The following CMC1 variants were observed in gnomAD, a reference collection of about 807,000 sequenced individuals.
CMC1 encodes COX assembly mitochondrial protein homolog.
In CMC1, 14 loss-of-function variants were observed where a neutral mutation model predicts 14.1. The observed-to-expected ratio is 0.99, with a 90% confidence interval of 0.66 to 1.55. The LOEUF (loss-of-function observed/expected upper bound fraction) is 1.55, where lower values mean the gene tolerates loss of function less well. CMC1 is among the 40% of genes most tolerant of loss of function. The pLI, the probability that CMC1 is intolerant of heterozygous loss-of-function variation, is 0.00. For missense variants in CMC1, 127 were observed against 123.8 expected (o/e 1.03, Z -0.12); for synonymous variants, 50 against 38.4 (o/e 1.30, Z -1.12).
chr3:28,283,334 C>T (rs564393545), intron 2 of CMC1, among the ~76,000 whole-genome samples: 19 of 151,198 alleles, frequency 1.3e-4, no homozygotes, highest in African/African-American at 4.1e-4. Context: ...GCCAACATGG[C>T]GAAACCCCAT....
chr3:28,324,548 G>T lies in CMC1; in HGVS notation c.*4919G>T. 1 of 1,163,696 alleles carries T rather than the reference G, an allele frequency of 8.6e-7. No individual in the cohort carries two copies. Among genetic ancestry groups the T allele is most frequent in the Non-Finnish European group, 1.1e-6 (1 of 876,344 alleles). 72.1% of individuals were successfully genotyped at this position (1,163,696 alleles called of 1,614,324 possible). On this transcript the variant is annotated 3_prime_UTR_variant, in exon 4 of 4. Transcript: ENST00000466830. ...CACCAATTTGAATTCTAGAACTGGT[G>T]ATGAAATTAAGATTTCCAAGTTAGT...
intron 2 of CMC1, among the ~76,000 whole-genome samples, chr3:28,308,523 A>G (rs1702450898): frequency 6.6e-6 from 1 of 152,216 alleles, no homozygotes; most frequent in Admixed American, 6.5e-5. Context: ...AATAAGATCA[A>G]TAAGTTATAT....
chr3:28,276,895 T>C (rs1004046629), intron 2 of CMC1, among the ~76,000 whole-genome samples: 2 of 152,220 alleles, frequency 1.3e-5, no homozygotes, highest in Non-Finnish European at 2.9e-5. Context: ...AGAATTTGCT[T>C]TGAAGCGTAA....
rs1225548299 is a variant in CMC1 at position 28,323,417 on chromosome 3, T to C, written c.*3788T>C. 1 of 150,546 alleles carries C rather than the reference T, an allele frequency of 6.6e-6. No homozygotes were observed. The highest frequency in any genetic ancestry group is 6.7e-5 in the Admixed American group (1 of 14,962). The allele number at this position is 150,546 out of a possible 1,614,324, so 9.3% of individuals were successfully genotyped here. ...TGTGCTGGGACAAAGTTGGCTTCAG[T>C]GATCAGGTTGTTTCAAGTCTTAGAA... is the stretch of plus-strand genomic sequence containing the variant. On this transcript the variant is annotated 3_prime_UTR_variant, in exon 4 of 4. Coordinates refer to ENST00000466830, the MANE Select transcript of CMC1 (RefSeq NM_182523.2).
At chr3:28,272,977 G>A (rs774338388) in intron 2 of CMC1, among the ~76,000 whole-genome samples, 6 of 152,086 alleles carry the variant, frequency 3.9e-5, no homozygotes, top group Admixed American at 6.6e-5. Flanking sequence ...GAGCCACCAC[G>A]CCCAGCCTTC....
At chr3:28,279,848 A>G (rs1403293830) in intron 2 of CMC1, among the ~76,000 whole-genome samples, 1 of 152,240 alleles carries the variant, frequency 6.6e-6, no homozygotes, top group African/African-American at 2.4e-5. Flanking sequence ...ACTTGCCAGA[A>G]TGGCTACAAT....
intron 2 of CMC1, among the ~76,000 whole-genome samples, chr3:28,296,024 T>A (rs1057181687): frequency 1.3e-5 from 2 of 152,140 alleles, no homozygotes. Flanking sequence ...ACTTTCAGTT[T>A]CTTTTCACCT....
At chr3:28,244,270 A>G (rs987773798) in intron 1 of CMC1, among the ~76,000 whole-genome samples, 1 of 152,218 alleles carries the variant, frequency 6.6e-6, no homozygotes, top group Non-Finnish European at 1.5e-5. Flanking sequence ...GGGTCAGGTC[A>G]TAAGTGGAAG....
Position 28,241,770 on chromosome 3 carries a change from C to T in CMC1, c.-24C>T, listed in dbSNP as rs879386775. ...TGCGTGCCCCGGAGCCGCCAAGCGG[C>T]TACGTTCTTCTCGGCCCGCCGAGAT... On this transcript the variant is annotated 5_prime_UTR_variant, in exon 1 of 4. Coordinates refer to ENST00000466830, the MANE Select transcript of CMC1 (RefSeq NM_182523.2). 5 of 1,241,640 alleles carry T rather than the reference C, an allele frequency of 4.0e-6. No homozygotes were observed. Among genetic ancestry groups the T allele is most frequent in the Non-Finnish European group, 4.0e-6 (4 of 988,116 alleles). The allele number at this position is 1,241,640 out of a possible 1,614,324, so 76.9% of individuals were successfully genotyped here. A position where few individuals can be genotyped will look rare whatever the true frequency, so the allele number is the denominator to read the frequency against.
In CMC1 at chr3:28,324,378, T is replaced by C. The variant is rs1703301411; in HGVS notation, c.*4749T>C. On this transcript the variant is annotated 3_prime_UTR_variant, in exon 4 of 4. Coordinates refer to ENST00000466830, the MANE Select transcript of CMC1 (RefSeq NM_182523.2). ...GTAAGAGAGGGGGATGTCTTGTGTA[T>C]GTTGCAGTAAAATTCATCAAGTGCA... The C allele has an allele frequency of 1.3e-6, 2 of 1,571,954 alleles. No individual in the cohort carries two copies. Among genetic ancestry groups the C allele is most frequent in the Non-Finnish European group, 1.7e-6 (2 of 1,158,924 alleles).
chr3:28,257,523 C>T (rs1699477102), intron 1 of CMC1, among the ~76,000 whole-genome samples: 1 of 151,836 alleles, frequency 6.6e-6, no homozygotes, highest in South Asian at 2.1e-4. Flanking sequence ...CTTATATTTT[C>T]TTTTTTTTGT....
At position 28,241,798 on chromosome 3, in the gene CMC1, C is replaced by T. The variant is rs1698530962; in HGVS notation, c.5C>T (p.Ala2Val). M[A>V]LDPADQHLRH... is the part of the protein sequence containing the mutation. ...CGTTCTTCTCGGCCCGCCGAGATGG[C>T]GCTCGACCCCGCAGGTACCGGGGCG... Residue 2 changes from alanine (A) to valine (V), a missense_variant, in exon 1 of 4, where the codon GCG becomes GTG. By Grantham distance (64) the Ala-to-Val change is moderately conservative. Transcript: ENST00000466830. 8.1e-6 allele frequency: 10 copies of T among 1,240,182 alleles called. No individual in the cohort carries two copies. Among genetic ancestry groups the T allele is most frequent in the South Asian group, 4.1e-5 (1 of 24,418 alleles). The allele number at this position is 1,240,182 out of a possible 1,614,324, so 76.8% of individuals were successfully genotyped here.
chr3:28,294,512 A>G (rs1016686137), intron 2 of CMC1: 1 of 920,364 alleles, frequency 1.1e-6, no homozygotes, highest in Non-Finnish European at 1.3e-6. Context: ...ACGAACTTAT[A>G]TAGCTACATA....
chr3:28,293,552 A>G (rs1701591916), intron 2 of CMC1, among the ~76,000 whole-genome samples: 1 of 152,144 alleles, frequency 6.6e-6, no homozygotes, highest in Admixed American at 6.5e-5. Flanking sequence ...TATGTTCTAG[A>G]TTTTAAAACA....
At chr3:28,259,288 G>C (rs575153412) in intron 1 of CMC1, among the ~76,000 whole-genome samples, 3 of 151,974 alleles carry the variant, frequency 2.0e-5, no homozygotes, top group African/African-American at 7.2e-5. Flanking sequence ...CCTTCAAAAG[G>C]ATAACAATTG....
At chr3:28,289,109 T>A (rs987083057) in intron 2 of CMC1, among the ~76,000 whole-genome samples, 1 of 151,216 alleles carries the variant, frequency 6.6e-6, no homozygotes, top group Non-Finnish European at 1.5e-5. Context: ...TTCTTTGAGG[T>A]TTTTTTTAAG....
chr3:28,257,874 A>C (rs1318040208), intron 1 of CMC1, among the ~76,000 whole-genome samples: 1 of 151,878 alleles, frequency 6.6e-6, no homozygotes. Flanking sequence ...TAACTTTATA[A>C]CTCAGCAGTT....
At chr3:28,311,483 C>G (rs980749733) in intron 2 of CMC1, among the ~76,000 whole-genome samples, 1 of 152,204 alleles carries the variant, frequency 6.6e-6, no homozygotes, top group East Asian at 1.9e-4. Flanking sequence ...TCCCTGTGGC[C>G]TTGATTTTCT....
Position 28,259,255 on chromosome 3 carries a change from A to C in CMC1, c.20-4036A>C, listed in dbSNP as rs1472861298. ...TATCTTACATAACCATGATATGTAT[A>C]TTCTCAGTGGGTGTGATAACTGCCT... On this transcript the variant is annotated intron_variant, in intron 1 of 3. Transcript: ENST00000466830. Among the ~76,000 whole-genome samples, 3 of 152,062 alleles carry C rather than the reference A, an allele frequency of 2.0e-5. No individual in the cohort carries two copies. The East Asian group carries it at 5.8e-4, about 29-fold the overall frequency.
Sources: allele counts gnomAD v4.1 joint callset (sites outside exome capture counted in the v4.1 genomes callset), GRCh38; gene constraint gnomAD v4.1.1; transcripts MANE v1.5; gene names NCBI Gene and HGNC (gene_info 2026-07-23, HGNC 2026-07-21).